The following IQCJ variants were observed in gnomAD, a reference collection of about 807,000 sequenced individuals.
IQCJ encodes the protein IQ motif containing J, also known as IQ domain-containing protein J.
IQCJ carries 9 observed loss-of-function variants against 11.0 expected under a neutral mutation model. That is an observed-to-expected ratio of 0.82 (90% CI 0.49 to 1.43). The LOEUF is 1.43. Ranked by LOEUF, IQCJ falls within the 40% of genes most tolerant of loss-of-function variation. The probability of loss-of-function intolerance (pLI) is 0.00; values close to 1 mark genes in which losing one functional copy is unlikely to be tolerated. For synonymous variants in IQCJ, 55 were observed against 51.3 expected, an observed-to-expected ratio of 1.07 and a Z score of -0.31; for missense variants, 146 against 133.2, an observed-to-expected ratio of 1.10 and a Z score of -0.47.
intron 1 of IQCJ, among the ~76,000 whole-genome samples, chr3:159,168,023 T>C (rs1577056179): frequency 6.6e-6 from 1 of 152,122 alleles, no homozygotes; most frequent in South Asian, 2.1e-4. Context: ...CTTGCCCAGG[T>C]GAGCTGGCCT....
At chr3:159,209,446 G>A (rs528745240) in intron 1 of IQCJ, among the ~76,000 whole-genome samples, 2 of 152,068 alleles carry the variant, frequency 1.3e-5, no homozygotes, top group African/African-American at 2.4e-5. Flanking sequence ...GATTCTTCCT[G>A]GACAGACGGA....
chr3:159,243,429 C>A (rs1242615801), intron 1 of IQCJ, among the ~76,000 whole-genome samples: 1 of 152,122 alleles, frequency 6.6e-6, no homozygotes, highest in Non-Finnish European at 1.5e-5. Flanking sequence ...GAAAACTACT[C>A]AGCAATAAAA....
At chr3:159,088,816 T>C (rs1195620341) in intron 1 of IQCJ, among the ~76,000 whole-genome samples, 11 of 152,314 alleles carry the variant, frequency 7.2e-5, no homozygotes, top group Middle Eastern at 6.8e-3. Context: ...TGTGTGTCTC[T>C]GCACGTGAGA....
chr3:159,092,404 T>C (rs1262833933), intron 1 of IQCJ, among the ~76,000 whole-genome samples: 1 of 151,690 alleles, frequency 6.6e-6, no homozygotes, highest in East Asian at 1.9e-4. Context: ...ATAAAGACCA[T>C]AAAAGACATT....
At chr3:159,238,516 C>T (rs192722125) in intron 1 of IQCJ, among the ~76,000 whole-genome samples, 2 of 152,312 alleles carry the variant, frequency 1.3e-5, no homozygotes, top group East Asian at 3.9e-4. Flanking sequence ...TCAAGCACCT[C>T]TTCAATAACT....
chr3:159,154,773 A>G (rs1453469956), intron 1 of IQCJ, among the ~76,000 whole-genome samples: 1 of 152,154 alleles, frequency 6.6e-6, no homozygotes, highest in Non-Finnish European at 1.5e-5. Context: ...AATGTTATTG[A>G]GCACTGCAGT....
intron 1 of IQCJ, among the ~76,000 whole-genome samples, chr3:159,221,311 T>C (rs1397965317): frequency 1.3e-5 from 2 of 152,136 alleles, no homozygotes; most frequent in African/African-American, 4.8e-5. Flanking sequence ...CAATATAAGG[T>C]GCCTGGCATG....
intron 1 of IQCJ, among the ~76,000 whole-genome samples, chr3:159,151,674 C>T (rs557412928): frequency 5.3e-5 from 8 of 152,344 alleles, no homozygotes; most frequent in East Asian, 3.9e-4. Context: ...CTCGCTCTGT[C>T]GCCCAGGCTG....
At chr3:159,090,780 G>T (rs1352162465) in intron 1 of IQCJ, among the ~76,000 whole-genome samples, 4 of 151,862 alleles carry the variant, frequency 2.6e-5, no homozygotes, top group Non-Finnish European at 5.9e-5. Context: ...CCATTTGCCT[G>T]ACCTAGACTT....
intron 1 of IQCJ, among the ~76,000 whole-genome samples, chr3:159,213,770 A>G (rs1725075555): frequency 6.6e-6 from 1 of 152,172 alleles, no homozygotes; most frequent in African/African-American, 2.4e-5. Flanking sequence ...TAAATCTTAG[A>G]TTCAATCACC....
At chr3:159,158,581 G>C (rs1721664243) in intron 1 of IQCJ, among the ~76,000 whole-genome samples, 1 of 152,162 alleles carries the variant, frequency 6.6e-6, no homozygotes, top group South Asian at 2.1e-4. Flanking sequence ...TTTTAACCTG[G>C]GATTCATGGA....
At chr3:159,069,733 A>G in intron 1 of IQCJ, 1 of 560,406 alleles carries the variant, frequency 1.8e-6, no homozygotes, top group Non-Finnish European at 3.3e-6. Flanking sequence ...CAGATTTTCT[A>G]GTCAGATCTG....
At chr3:159,202,777 A>G (rs1724427266) in intron 1 of IQCJ, among the ~76,000 whole-genome samples, 1 of 152,154 alleles carries the variant, frequency 6.6e-6, no homozygotes, top group South Asian at 2.1e-4. Context: ...AGCTGGGACT[A>G]TAGGAGTGAG....
At chr3:159,116,167 C>T (rs192844098) in intron 1 of IQCJ, among the ~76,000 whole-genome samples, 1 of 151,984 alleles carries the variant, frequency 6.6e-6, no homozygotes, top group East Asian at 1.9e-4. Context: ...CCTGGGAGGT[C>T]AGGTTGTAGT....
chr3:159,196,890 A>G (rs1443839068), intron 1 of IQCJ, among the ~76,000 whole-genome samples: 4 of 152,180 alleles, frequency 2.6e-5, no homozygotes, highest in African/African-American at 7.2e-5. Context: ...CTTACTAGAC[A>G]TAGATATCGC....
chr3:159,266,077 C>A (rs545731011), downstream of IQCJ: 1 of 152,330 alleles, frequency 6.6e-6, no homozygotes, highest in East Asian at 1.9e-4. Flanking sequence ...ATGTGCCAGG[C>A]ACTCTGCTAT....
At chr3:159,128,922 C>T (rs1361040748) in intron 1 of IQCJ, among the ~76,000 whole-genome samples, 3 of 152,116 alleles carry the variant, frequency 2.0e-5, no homozygotes, top group African/African-American at 7.2e-5. Flanking sequence ...TTTCCTGTTT[C>T]TGTCTTTGCT....
chr3:159,219,904 G>A (rs913072925), intron 1 of IQCJ, among the ~76,000 whole-genome samples: 1 of 152,114 alleles, frequency 6.6e-6, no homozygotes, highest in Non-Finnish European at 1.5e-5. Context: ...GGAGAAAGCC[G>A]ACTTAAGTGG....
At chr3:159,241,027 C>T (rs575529184) in intron 1 of IQCJ, among the ~76,000 whole-genome samples, 2 of 152,144 alleles carry the variant, frequency 1.3e-5, no homozygotes, top group Non-Finnish European at 2.9e-5. Flanking sequence ...GGTTATGGCT[C>T]ACATGGTAAC....
Sources: gnomAD v4.1 joint callset for allele counts (sites outside exome capture counted in the v4.1 genomes callset) on GRCh38, gnomAD v4.1.1 for gene constraint, MANE v1.5 for transcripts, NCBI Gene and HGNC (gene_info 2026-07-23, HGNC 2026-07-21) for gene names.